The following EPHA6 variants were observed in gnomAD, a reference collection of about 807,000 sequenced individuals.
The protein encoded by EPHA6 is EPH receptor A6, also known as ephrin type-A receptor 6.
A neutral mutation model predicts 112.0 loss-of-function variants in EPHA6; 50 were observed. That is an observed-to-expected ratio of 0.45 (90% confidence interval 0.36 to 0.56). EPHA6 has a LOEUF of 0.56. Ranked by LOEUF, EPHA6 falls within the 20% of genes least tolerant of loss-of-function variation. The pLI is 0.00. For synonymous variants in EPHA6, 529 were observed against 490.7 expected, an observed-to-expected ratio of 1.08 and a Z score of -1.03; for missense variants, 1,280 against 1,417.4, an observed-to-expected ratio of 0.90 and a Z score of 1.56.
chr3:97,640,225 G>C (rs1198926697), intron 14 of EPHA6, among the ~76,000 whole-genome samples: 2 of 152,092 alleles, frequency 1.3e-5, no homozygotes, highest in African/African-American at 2.4e-5. Context: ...TTATTACGCT[G>C]ACAGTTGGAG....
chr3:97,362,433 A>C (rs1205644534), intron 5 of EPHA6, among the ~76,000 whole-genome samples: 1 of 152,038 alleles, frequency 6.6e-6, no homozygotes. Context: ...GAAAATGAGA[A>C]AGTTAAGGTT....
In EPHA6 at chr3:97,263,291, G is replaced by C. The variant is rs142939605; in HGVS notation, c.1606+19004G>C. On this transcript the variant is annotated intron_variant, in intron 5 of 17. Coordinates refer to ENST00000389672, the MANE Select transcript of EPHA6 (RefSeq NM_001080448.3). ...CTTTTTTATTAGAAATAAATTCATTGATATATTCTCAGGGCCTAGTACAGT... is the reference window on the plus strand; with the variant it reads ...CTTTTTTATTAGAAATAAATTCATTCATATATTCTCAGGGCCTAGTACAGT... Among the ~76,000 whole-genome samples, 574 of 152,114 alleles carry C rather than the reference G, an allele frequency of 3.8e-3. 1 individual carries two copies. Among genetic ancestry groups the C allele is most frequent in the African/African-American group, 0.013 (536 of 41,518 alleles).
At chr3:97,459,819 A>T (rs991894) in intron 7 of EPHA6, among the ~76,000 whole-genome samples, 1 of 152,190 alleles carries the variant, frequency 6.6e-6, no homozygotes, top group Non-Finnish European at 1.5e-5. Flanking sequence ...AACCTTGGGA[A>T]TCATCAATTT....
At chr3:97,040,845 T>A (rs2045287199) in intron 3 of EPHA6, among the ~76,000 whole-genome samples, 1 of 152,042 alleles carries the variant, frequency 6.6e-6, no homozygotes, top group South Asian at 2.1e-4. Context: ...ATTTTACATA[T>A]CAGTGGTAAA....
At chr3:97,572,331 T>C (rs2093342405) in intron 11 of EPHA6, among the ~76,000 whole-genome samples, 1 of 151,890 alleles carries the variant, frequency 6.6e-6, no homozygotes, top group African/African-American at 2.4e-5. Flanking sequence ...TTTGTATTTT[T>C]AGTAGATACA....
intron 10 of EPHA6, among the ~76,000 whole-genome samples, chr3:97,500,310 T>C (rs2092085048): frequency 6.6e-6 from 1 of 151,986 alleles, no homozygotes; most frequent in Non-Finnish European, 1.5e-5. Flanking sequence ...AGAGGTTTAA[T>C]TGGGTTAAAA....
intron 1 of EPHA6, among the ~76,000 whole-genome samples, chr3:96,864,256 T>TA (rs1376950351): frequency 1.3e-5 from 2 of 152,186 alleles, no homozygotes; most frequent in African/African-American, 2.4e-5. Context: ...TAGGTTCATA[T>TA]AAAAAATCTG....
intron 3 of EPHA6, among the ~76,000 whole-genome samples, chr3:96,998,442 A>G (rs1189888438): frequency 1.3e-5 from 2 of 151,910 alleles, no homozygotes; most frequent in East Asian, 1.9e-4. Context: ...ATAAAGTTCT[A>G]TGAGCAGTTA....
intron 14 of EPHA6, among the ~76,000 whole-genome samples, chr3:97,658,063 C>G (rs1327536770): frequency 1.3e-5 from 2 of 151,794 alleles, no homozygotes; most frequent in East Asian, 1.9e-4. Context: ...TAGAGCTGTT[C>G]TGGTTACACT....
intron 10 of EPHA6, among the ~76,000 whole-genome samples, chr3:97,514,278 C>G (rs2092412776): frequency 6.6e-6 from 1 of 152,118 alleles, no homozygotes; most frequent in Non-Finnish European, 1.5e-5. Context: ...TTGAAGTCAT[C>G]AGTATAGTAT....
chr3:97,673,568 T>G, intron 14 of EPHA6, among the ~76,000 whole-genome samples: 1 of 152,220 alleles, frequency 6.6e-6, no homozygotes, highest in South Asian at 2.1e-4. Context: ...AAGATGAGGC[T>G]ATTAACTCTA....
chr3:97,220,263 A>G (rs1386876382), intron 3 of EPHA6, among the ~76,000 whole-genome samples: 1 of 152,040 alleles, frequency 6.6e-6, no homozygotes, highest in Non-Finnish European at 1.5e-5. Flanking sequence ...GAAAGTTCCA[A>G]ACTTTCCCAC....
intron 11 of EPHA6, among the ~76,000 whole-genome samples, chr3:97,582,898 TC>T: frequency 6.6e-6 from 1 of 151,940 alleles, no homozygotes; most frequent in Non-Finnish European, 1.5e-5. Context: ...TAAAACTAAA[TC>T]CAGAACATTC....
chr3:96,876,069 G>A (rs1201276576), intron 2 of EPHA6, among the ~76,000 whole-genome samples: 10 of 150,248 alleles, frequency 6.7e-5, no homozygotes, highest in Non-Finnish European at 8.9e-5. Context: ...TAAATCCAGA[G>A]CAAGCACATA....
At chr3:97,353,303 A>G (rs1292328176) in intron 5 of EPHA6, among the ~76,000 whole-genome samples, 3 of 151,658 alleles carry the variant, frequency 2.0e-5, no homozygotes, top group Non-Finnish European at 2.9e-5. Flanking sequence ...CAGCTAGGAC[A>G]CCAGCTCGGC....
At chr3:96,908,522 C>T (rs1462199982) in intron 2 of EPHA6, among the ~76,000 whole-genome samples, 1 of 151,736 alleles carries the variant, frequency 6.6e-6, no homozygotes, top group Non-Finnish European at 1.5e-5. Context: ...TATTAGTTCT[C>T]GTTTGAGGTC....
chr3:97,561,967 C>T (rs549316427), intron 11 of EPHA6, among the ~76,000 whole-genome samples: 1 of 152,250 alleles, frequency 6.6e-6, no homozygotes, highest in African/African-American at 2.4e-5. Flanking sequence ...GACAGCACAT[C>T]TGTTTATAGC....
rs9818432 is a variant in EPHA6, at chr3:96,931,018, A to C, written c.451-56312A>C. Among the ~76,000 whole-genome samples, 22 of 84,578 alleles carry C rather than the reference A, an allele frequency of 2.6e-4. 1 individual carries two copies. Among genetic ancestry groups the C allele is most frequent in the African/African-American group, 9.3e-4 (22 of 23,674 alleles). 55.5% of individuals were successfully genotyped at this position (84,578 alleles called of 152,430 possible). A position where few individuals can be genotyped will look rare whatever the true frequency, so the allele number is the denominator to read the frequency against. ...AAAAAAAAAAAAAAAAAAAAAAAAA[A>C]AAAGAAAAGCTTTCTGGCTGCTTTT... On this transcript the variant is annotated intron_variant, in intron 2 of 17. Coordinates refer to ENST00000389672, the MANE Select transcript of EPHA6 (RefSeq NM_001080448.3).
At chr3:96,897,043 G>T (rs1410147207) in intron 2 of EPHA6, among the ~76,000 whole-genome samples, 1 of 151,858 alleles carries the variant, frequency 6.6e-6, no homozygotes, top group Non-Finnish European at 1.5e-5. Context: ...TATTTTATTA[G>T]AATTCACTGT....
Sources: gnomAD v4.1 joint callset for allele counts (sites outside exome capture counted in the v4.1 genomes callset) on GRCh38, gnomAD v4.1.1 for gene constraint, MANE v1.5 for transcripts, NCBI Gene and HGNC (gene_info 2026-07-23, HGNC 2026-07-21) for gene names.